CAPZA1: variants seen among roughly 807,000 people sequenced by gnomAD.
CAPZA1 encodes the protein capping actin protein of muscle Z-line subunit alpha 1.
CAPZA1 carries 10 observed loss-of-function variants against 40.8 expected under a neutral mutation model. The ratio of observed to expected loss-of-function variants is 0.25; its 90% CI spans 0.15 to 0.42. The LOEUF (loss-of-function observed/expected upper bound fraction) is 0.42. Among genes scored for constraint, CAPZA1 ranks in the 10% least tolerant of loss-of-function variants. The probability of loss-of-function intolerance (pLI) is 1.00; values close to 1 mark genes in which losing one functional copy is unlikely to be tolerated. For missense variants in CAPZA1, 277 were observed against 353.8 expected (o/e 0.78, Z 1.74); for synonymous variants, 98 against 115.0 (o/e 0.85, Z 0.95).
chr1:112,657,883 C>A (rs533762938), intron 5 of CAPZA1, among the ~76,000 whole-genome samples: 1 of 152,278 alleles, frequency 6.6e-6, no homozygotes, highest in South Asian at 2.1e-4. Context: ...TGAGCCATTG[C>A]ACCCAGCCCC....
At chr1:112,662,919 T>A (rs913762342) in intron 7 of CAPZA1, among the ~76,000 whole-genome samples, 35 of 151,928 alleles carry the variant, frequency 2.3e-4, no homozygotes, top group Non-Finnish European at 4.4e-5. Context: ...GTTGTTTTTT[T>A]AAATATCTCC....
chr1:112,637,315 C>G (rs984432214), intron 1 of CAPZA1, among the ~76,000 whole-genome samples: 1 of 152,250 alleles, frequency 6.6e-6, no homozygotes, highest in Non-Finnish European at 1.5e-5. Context: ...CATTCACATT[C>G]CTAGCATGTT....
chr1:112,621,893 C>G (rs546795479), intron 1 of CAPZA1, among the ~76,000 whole-genome samples: 9 of 151,362 alleles, frequency 5.9e-5, no homozygotes, highest in African/African-American at 2.2e-4. Context: ...TCTCGAGTAG[C>G]TAGGATTACA....
rs980377305 is a variant in CAPZA1 at position 112,671,421 on chromosome 1, T to A, written c.*1289T>A. 6.6e-6 allele frequency: 1 copy of A among 152,620 alleles called. No individual in the cohort carries two copies. The highest frequency in any genetic ancestry group is 6.5e-5 in the Admixed American group (1 of 15,288). The allele number at this position is 152,620 out of a possible 1,614,324, so 9.5% of individuals were successfully genotyped here. A position where few individuals can be genotyped will look rare whatever the true frequency, so the allele number is the denominator to read the frequency against. ...GATACATGTCAAAAAAAGAAAGGTGTTTGTGCTTCCGTTTTGTTTCTGCTC... is the reference window on the plus strand; with the variant it reads ...GATACATGTCAAAAAAAGAAAGGTGATTGTGCTTCCGTTTTGTTTCTGCTC... On this transcript the variant is annotated 3_prime_UTR_variant, in exon 10 of 10. Transcript: ENST00000263168.
At chr1:112,631,502 A>AT (rs1309387424) in intron 1 of CAPZA1, among the ~76,000 whole-genome samples, 2 of 152,136 alleles carry the variant, frequency 1.3e-5, no homozygotes, top group Non-Finnish European at 2.9e-5. Context: ...ACTCCCAGTG[A>AT]TTTTGAGGAA....
chr1:112,640,187 TG>T (rs1443267937), intron 1 of CAPZA1, among the ~76,000 whole-genome samples: 1 of 83,418 alleles, frequency 1.2e-5, no homozygotes, highest in Non-Finnish European at 2.4e-5. Context: ...GGGAGGGAGG[TG>T]GGGGGGTCAG....
chr1:112,640,028 C>A (rs1183671872), intron 1 of CAPZA1, among the ~76,000 whole-genome samples: 4 of 109,080 alleles, frequency 3.7e-5, no homozygotes, highest in Non-Finnish European at 7.7e-5. Flanking sequence ...GTCAGCCCCC[C>A]GCCCGGCCAG....
Position 112,619,850 on chromosome 1 carries a change from C to T in CAPZA1, c.6C>T (p.Ala2=), listed in dbSNP as rs142689145. Residue 2 remains alanine, a synonymous_variant, in exon 1 of 10, where the codon GCC becomes GCT. Transcript: ENST00000263168. ...CTGGGCCAGAACAGCCCAAGATGGC[C>T]GACTTCGATGATCGTGTGTCGGATG... is the stretch of plus-strand genomic sequence containing the variant. M[A]DFDDRVSDEE... 54 of 1,613,060 alleles carry T rather than the reference C, an allele frequency of 3.3e-5. 1 individual carries two copies. The African/African-American group carries it at 6.7e-4, about 20-fold the overall frequency.
At chr1:112,654,705 G>A in intron 5 of CAPZA1, 34 bp downstream of exon 5, 1 of 1,429,114 alleles carries the variant, frequency 7.0e-7, no homozygotes, top group Non-Finnish European at 9.6e-7. Flanking sequence ...ATCAGAGAGT[G>A]TTTTCTTATA....
chr1:112,648,626 A>G (rs950295057), intron 2 of CAPZA1, among the ~76,000 whole-genome samples: 6 of 151,474 alleles, frequency 4.0e-5, no homozygotes, highest in African/African-American at 1.5e-4. Context: ...GAAATTTTCA[A>G]TTTTCAGTAG....
intron 9 of CAPZA1, 124 bp downstream of exon 9, chr1:112,669,729 G>A: frequency 1.2e-6 from 1 of 836,066 alleles, no homozygotes; most frequent in Non-Finnish European, 1.9e-6. Flanking sequence ...CTAAATGTGG[G>A]AGACTTTGCA....
chr1:112,635,461 C>T (rs1291112143), intron 1 of CAPZA1, among the ~76,000 whole-genome samples: 1 of 151,886 alleles, frequency 6.6e-6, no homozygotes, highest in Non-Finnish European at 1.5e-5. Flanking sequence ...AGAATTCTCC[C>T]TTTTCTGTCT....
chr1:112,646,376 T>C (rs1399465909), intron 1 of CAPZA1, among the ~76,000 whole-genome samples: 1 of 152,134 alleles, frequency 6.6e-6, no homozygotes, highest in Admixed American at 6.5e-5. Context: ...ACCTAGGAGT[T>C]TGAGACCAGC....
intron 1 of CAPZA1, among the ~76,000 whole-genome samples, chr1:112,631,593 C>T (rs559067506): frequency 6.6e-6 from 1 of 152,224 alleles, no homozygotes; most frequent in South Asian, 2.1e-4. Flanking sequence ...AAGGCAAAAC[C>T]GTTCTTGTTT....
intron 7 of CAPZA1, among the ~76,000 whole-genome samples, chr1:112,662,572 G>C (rs991820754): frequency 1.3e-5 from 2 of 151,390 alleles, no homozygotes; most frequent in African/African-American, 4.8e-5. Context: ...CTAATTTTTT[G>C]TATTTTTAGT....
At chr1:112,660,204 A>T (rs540995974) in intron 7 of CAPZA1, among the ~76,000 whole-genome samples, 1 of 152,104 alleles carries the variant, frequency 6.6e-6, no homozygotes, top group East Asian at 1.9e-4. Context: ...AAAAATTATA[A>T]CTAGAGAGAA....
At position 112,667,011 on chromosome 1, in the gene CAPZA1, G is replaced by A. The variant is rs939542351; in HGVS notation, c.586-63G>A. The A allele has an allele frequency of 1.1e-5, 12 of 1,131,106 alleles. No individual in the cohort carries two copies. The South Asian group carries it at 1.3e-4, about 13-fold the overall frequency. 70.1% of individuals were successfully genotyped at this position (1,131,106 alleles called of 1,614,324 possible). ...AAGATAGCTTAAAGCATGGATTTGT[G>A]TCCTAAATAACAGGTTTCTCTATGA... On this transcript the variant is annotated intron_variant, in intron 7 of 9. Coordinates refer to ENST00000263168, the MANE Select transcript of CAPZA1 (RefSeq NM_006135.3).
chr1:112,669,762 C>T (rs1671794978), intron 9 of CAPZA1, among the ~76,000 whole-genome samples, 157 bp downstream of exon 9: 1 of 152,210 alleles, frequency 6.6e-6, no homozygotes, highest in African/African-American at 2.4e-5. Context: ...TGGCATTCTG[C>T]TTACAGTCAG....
intron 6 of CAPZA1, 103 bp from the exon 7 acceptor site, chr1:112,659,598 C>CA (rs1671563265): frequency 8.6e-6 from 5 of 584,666 alleles, no homozygotes; most frequent in Non-Finnish European, 1.1e-5. Context: ...TTTTTTTTTT[C>CA]TTTTTTTGCA....
Sources: allele counts gnomAD v4.1 joint callset (sites outside exome capture counted in the v4.1 genomes callset), GRCh38; gene constraint gnomAD v4.1.1; transcripts MANE v1.5; gene names NCBI Gene and HGNC (gene_info 2026-07-23, HGNC 2026-07-21).